Variants in CREG2 observed in about 807,000 individuals in gnomAD.
The protein encoded by CREG2 is cellular repressor of E1A stimulated genes 2.
CREG2 carries 24 observed loss-of-function variants against 26.2 expected under a neutral mutation model. The observed-to-expected ratio is 0.92, with a 90% CI of 0.66 to 1.29. The LOEUF is 1.29. Ranked by LOEUF, CREG2 falls within the 50% of genes most tolerant of loss-of-function variation. The pLI is 0.00. For missense variants in CREG2, 366 were observed against 398.6 expected, an observed-to-expected ratio of 0.92 and a Z score of 0.70; for synonymous variants, 174 against 169.2, an observed-to-expected ratio of 1.03 and a Z score of -0.22.
intron 2 of CREG2, among the ~76,000 whole-genome samples, chr2:101,368,028 C>T (rs1451680706): frequency 6.6e-6 from 1 of 152,166 alleles, no homozygotes; most frequent in Non-Finnish European, 1.5e-5. Context: ...GTGGCTCAGG[C>T]CTATAATCCC....
chr2:101,386,991 C>A (rs962840329), intron 1 of CREG2, 26 bp downstream of exon 1: 344 of 1,232,206 alleles, frequency 2.8e-4, no homozygotes, highest in Non-Finnish European at 3.4e-4. Flanking sequence ...TGCCAGGCCC[C>A]CTCGCGCTCC....
intron 2 of CREG2, among the ~76,000 whole-genome samples, chr2:101,368,288 AAAAAAAAAAAAGAGGG>A (rs1684649722): frequency 7.3e-6 from 1 of 136,604 alleles, no homozygotes; most frequent in African/African-American, 2.8e-5. Flanking sequence ...ACTCCATCTC[AAAAAAAAAAAAGAGGG>A]AAAAGAAAAA....
chr2:101,353,682 C>T (rs1487266194), intron 3 of CREG2, among the ~76,000 whole-genome samples: 2 of 152,128 alleles, frequency 1.3e-5, no homozygotes, highest in Non-Finnish European at 2.9e-5. Flanking sequence ...TATTGCAGCA[C>T]TATTTACAAT....
Position 101,349,957 on chromosome 2 carries a change from G to C in CREG2, c.*966C>G, listed in dbSNP as rs1185722819. On this transcript the variant is annotated 3_prime_UTR_variant, in exon 4 of 4. Transcript: ENST00000324768. ...CAGCCCCTCTGAGTCTAGTTTTCTT[G>C]TCTGTAAGAGCCAATGATGACGTGC... 6.6e-6 allele frequency: 1 copy of C among 152,224 alleles called. No individual in the cohort carries two copies. The highest frequency in any genetic ancestry group is 1.5e-5 in the Non-Finnish European group (1 of 68,048). 9.4% of individuals were successfully genotyped at this position (152,224 alleles called of 1,614,324 possible).
At position 101,346,621 on chromosome 2, in the gene CREG2, G is replaced by A. The variant is rs2104465357; in HGVS notation, c.*4302C>T. Reference sequence around the variant, plus strand: ...ATTAACGGTTAACAAATGAAATGCTGTCTCTTTGTACTAGGTTTTGGCTTA... The same window carrying A: ...ATTAACGGTTAACAAATGAAATGCTATCTCTTTGTACTAGGTTTTGGCTTA... On this transcript the variant is annotated 3_prime_UTR_variant, in exon 4 of 4. Transcript: ENST00000324768. The A allele has an allele frequency of 6.6e-6, 1 of 152,276 alleles. No homozygotes were observed. The highest frequency in any genetic ancestry group is 3.4e-3 in the Middle Eastern group (1 of 294). 9.4% of individuals were successfully genotyped at this position (152,276 alleles called of 1,614,324 possible). A position where few individuals can be genotyped will look rare whatever the true frequency, so the allele number is the denominator to read the frequency against.
At chr2:101,369,909 A>C (rs1214662410) in intron 2 of CREG2, among the ~76,000 whole-genome samples, 1 of 152,182 alleles carries the variant, frequency 6.6e-6, no homozygotes, top group Non-Finnish European at 1.5e-5. Context: ...GAACAATTCA[A>C]ATCAACTTAA....
rs548059452 is a variant in CREG2 at position 101,346,977 on chromosome 2, C to T, written c.*3946G>A. On this transcript the variant is annotated 3_prime_UTR_variant, in exon 4 of 4. Coordinates refer to ENST00000324768, the MANE Select transcript of CREG2 (RefSeq NM_153836.4). Reference sequence around the variant, plus strand: ...GCTATCCTTTTATAGTTATGCCCAACTCTCTTGTTCTCCCCACTCCTCCCT... The same window carrying T: ...GCTATCCTTTTATAGTTATGCCCAATTCTCTTGTTCTCCCCACTCCTCCCT... 1.3e-5 allele frequency: 2 copies of T among 152,308 alleles called. No individual in the cohort carries two copies. The highest frequency in any genetic ancestry group is 4.1e-4 in the South Asian group (2 of 4,826). 9.4% of individuals were successfully genotyped at this position (152,308 alleles called of 1,614,324 possible).
At chr2:101,360,707 C>T (rs1204335130) in intron 2 of CREG2, among the ~76,000 whole-genome samples, 1 of 150,134 alleles carries the variant, frequency 6.7e-6, no homozygotes, top group Non-Finnish European at 1.5e-5. Context: ...CACTGCACTC[C>T]AGCCTGGGCG....
chr2:101,371,351 A>G, intron 2 of CREG2, among the ~76,000 whole-genome samples: 1 of 152,162 alleles, frequency 6.6e-6, no homozygotes, highest in South Asian at 2.1e-4. Context: ...AATGCATTTA[A>G]AAAGGGACCT....
chr2:101,383,491 A>G (rs1684911239), intron 2 of CREG2, 42 bp downstream of exon 2: 1 of 1,607,330 alleles, frequency 6.2e-7, no homozygotes. Flanking sequence ...TCTGTCAAAA[A>G]CTTCCCAGGA....
At chr2:101,379,969 T>TTCTATCTATCTG (rs1684846450) in intron 2 of CREG2, among the ~76,000 whole-genome samples, 1 of 147,742 alleles carries the variant, frequency 6.8e-6, no homozygotes, top group South Asian at 2.2e-4. Context: ...GTGTGAAAGC[T>TTCTATCTATCTG]TCTATCTATC....
At chr2:101,385,855 A>G (rs1043964896) in intron 1 of CREG2, among the ~76,000 whole-genome samples, 1 of 152,260 alleles carries the variant, frequency 6.6e-6, no homozygotes, top group Admixed American at 6.5e-5. Context: ...CTCCTAACAA[A>G]GCTAAGAGAA....
chr2:101,354,644 A>G (rs990198170), intron 3 of CREG2, among the ~76,000 whole-genome samples: 2 of 152,160 alleles, frequency 1.3e-5, no homozygotes, highest in African/African-American at 4.8e-5. Context: ...CCCCGCGTGC[A>G]TGCGCGGTCC....
chr2:101,375,144 C>A (rs948862402), intron 2 of CREG2, among the ~76,000 whole-genome samples: 2 of 152,202 alleles, frequency 1.3e-5, no homozygotes, highest in Non-Finnish European at 2.9e-5. Context: ...CAGTCCCTCT[C>A]TGGTGTGTGA....
At chr2:101,362,328 G>A (rs1030750568) in intron 2 of CREG2, among the ~76,000 whole-genome samples, 6 of 152,094 alleles carry the variant, frequency 3.9e-5, no homozygotes, top group South Asian at 4.1e-4. Context: ...ATCTCATTTC[G>A]TTGACATTGT....
intron 2 of CREG2, among the ~76,000 whole-genome samples, chr2:101,376,371 G>A (rs989047492): frequency 2.6e-5 from 4 of 151,820 alleles, no homozygotes; most frequent in African/African-American, 4.8e-5. Flanking sequence ...TCCACCTCCC[G>A]GGTTCAAGCG....
chr2:101,351,118 G>A, intron 3 of CREG2, 48 bp from the exon 4 acceptor site: 3 of 1,587,608 alleles, frequency 1.9e-6, no homozygotes, highest in South Asian at 1.1e-5. Context: ...TATCAGAGAG[G>A]TGCACCCTGG....
chr2:101,385,433 G>A (rs901352756), intron 1 of CREG2, among the ~76,000 whole-genome samples: 4 of 151,862 alleles, frequency 2.6e-5, no homozygotes, highest in Non-Finnish European at 4.4e-5. Context: ...TGCCCGCCTC[G>A]GCCTCCCAAA....
At chr2:101,364,063 G>T (rs370986259) in intron 2 of CREG2, among the ~76,000 whole-genome samples, 2 of 152,142 alleles carry the variant, frequency 1.3e-5, no homozygotes, top group East Asian at 3.9e-4. Context: ...CTATCTCCTT[G>T]CACTTGGTTG....
Sources: gnomAD v4.1 joint callset for allele counts (sites outside exome capture counted in the v4.1 genomes callset) on GRCh38, gnomAD v4.1.1 for gene constraint, MANE v1.5 for transcripts, NCBI Gene and HGNC (gene_info 2026-07-23, HGNC 2026-07-21) for gene names.